Variants in MALRD1 observed in about 807,000 individuals in gnomAD.
MALRD1 encodes MAM and LDL receptor class A domain containing 1.
A neutral mutation model predicts 242.1 loss-of-function variants in MALRD1; 247 were observed. The observed-to-expected ratio is 1.02, with a 90% CI of 0.92 to 1.13. The LOEUF (loss-of-function observed/expected upper bound fraction) is 1.13, where lower values mean the gene tolerates loss of function less well. Ranked by LOEUF, MALRD1 falls within the 50% of genes most tolerant of loss-of-function variation. MALRD1 has a pLI of 0.00. For missense variants in MALRD1, 2,989 were observed against 2,533.1 expected (o/e 1.18, Z -3.86); for synonymous variants, 995 against 866.6 (o/e 1.15, Z -2.60).
At chr10:19,563,398 A>T (rs1225870157) in intron 32 of MALRD1, among the ~76,000 whole-genome samples, 1 of 152,168 alleles carries the variant, frequency 6.6e-6, no homozygotes, top group Non-Finnish European at 1.5e-5. Context: ...CCCATAGGCA[A>T]CTATGCACTT....
chr10:19,718,128 GGAA>G (rs1375911837), intron 38 of MALRD1, among the ~76,000 whole-genome samples: 3 of 139,926 alleles, frequency 2.1e-5, no homozygotes, highest in Admixed American at 7.3e-5. Context: ...AAGAAGAAGA[GGAA>G]GAAGAGGAAG....
chr10:19,344,777 G>T (rs1844036992), intron 24 of MALRD1, among the ~76,000 whole-genome samples: 1 of 151,670 alleles, frequency 6.6e-6, no homozygotes. Flanking sequence ...AGCATAGTAG[G>T]TTTCTCCCCA....
At chr10:19,324,136 T>G in intron 22 of MALRD1, 31 bp downstream of exon 22, 1 of 1,540,626 alleles carries the variant, frequency 6.5e-7, no homozygotes, top group Non-Finnish European at 8.8e-7. Flanking sequence ...TTTTCTGAAT[T>G]TTCTCTCTAA....
chr10:19,460,785 G>A (rs979453411), intron 29 of MALRD1, among the ~76,000 whole-genome samples: 6 of 152,054 alleles, frequency 3.9e-5, no homozygotes, highest in East Asian at 3.9e-4. Context: ...CAAATTACCC[G>A]AAGACCAGGA....
chr10:19,271,744 C>T (rs1342463257), intron 19 of MALRD1, among the ~76,000 whole-genome samples: 1 of 152,146 alleles, frequency 6.6e-6, no homozygotes, highest in Non-Finnish European at 1.5e-5. Flanking sequence ...TCCTGGGCAA[C>T]AGAGCGAGAT....
chr10:19,157,466 C>A (rs1174292789), intron 12 of MALRD1, among the ~76,000 whole-genome samples: 1 of 151,916 alleles, frequency 6.6e-6, no homozygotes, highest in Non-Finnish European at 1.5e-5. Flanking sequence ...CCAGGATGGT[C>A]TCGATCTCCT....
intron 36 of MALRD1, among the ~76,000 whole-genome samples, chr10:19,643,719 G>C (rs931238190): frequency 1.3e-5 from 2 of 152,106 alleles, no homozygotes; most frequent in African/African-American, 4.8e-5. Flanking sequence ...CAGAAACACT[G>C]CCTATTCTGT....
At chr10:19,386,563 A>T (rs1371629781) in intron 26 of MALRD1, among the ~76,000 whole-genome samples, 1 of 152,150 alleles carries the variant, frequency 6.6e-6, no homozygotes, top group Non-Finnish European at 1.5e-5. Flanking sequence ...TATAATAATT[A>T]TGCCTTCAAT....
intron 29 of MALRD1, among the ~76,000 whole-genome samples, chr10:19,484,042 T>C (rs1837134840): frequency 6.6e-6 from 1 of 152,152 alleles, no homozygotes; most frequent in African/African-American, 2.4e-5. Flanking sequence ...AAATACCACA[T>C]CTTCTCACTT....
rs574485140 is a variant in MALRD1, at chr10:19,702,882, C to T, written c.6314+10328C>T. Among the ~76,000 whole-genome samples the T allele has an allele frequency of 1.6e-4, 24 of 152,194 alleles. 1 individual carries two copies. The highest frequency in any genetic ancestry group is 2.1e-4 in the Non-Finnish European group (14 of 68,004). On this transcript the variant is annotated intron_variant, in intron 38 of 39. Coordinates refer to ENST00000454679, the MANE Select transcript of MALRD1 (RefSeq NM_001142308.3). ...TAAATTTTGTACAAAGAATCTGTGG[C>T]GTAAGAGGACTTCAATAACTTGAAG... is the stretch of plus-strand genomic sequence containing the variant.
At chr10:19,537,479 A>G (rs1194553004) in intron 32 of MALRD1, among the ~76,000 whole-genome samples, 1 of 152,136 alleles carries the variant, frequency 6.6e-6, no homozygotes, top group Non-Finnish European at 1.5e-5. Flanking sequence ...TGGAAAAGGC[A>G]GGAGAGCGCT....
rs1835724219 is a variant in MALRD1 at position 19,087,810 on chromosome 10, T to C, written c.341-30T>C. ...GGTCTTATTCATTCTTTCTGGTTTT[T>C]TTTTGTACCCTGTCTCTTCTTTCTG... On this transcript the variant is annotated intron_variant, in intron 2 of 39. Coordinates refer to ENST00000454679, the MANE Select transcript of MALRD1 (RefSeq NM_001142308.3). 9 of 1,169,034 alleles carry C rather than the reference T, an allele frequency of 7.7e-6. No homozygotes were observed. In the South Asian group the frequency reaches 2.6e-4, roughly 34 times the overall value. 72.4% of individuals were successfully genotyped at this position (1,169,034 alleles called of 1,614,324 possible).
chr10:19,457,126 T>C (rs185625877), intron 29 of MALRD1, among the ~76,000 whole-genome samples: 2 of 152,190 alleles, frequency 1.3e-5, no homozygotes, highest in East Asian at 3.9e-4. Flanking sequence ...CTCTGAAAAA[T>C]TGAAATAGCT....
intron 28 of MALRD1, among the ~76,000 whole-genome samples, chr10:19,406,706 AAAATAAAT>A (rs914201195): frequency 2.4e-4 from 36 of 152,256 alleles, no homozygotes; most frequent in Non-Finnish European, 3.2e-4. Context: ...GTATTCTTTA[AAAATAAAT>A]AAATAAATAA....
chr10:19,292,058 G>A (rs1007697505), intron 21 of MALRD1, among the ~76,000 whole-genome samples: 7 of 137,500 alleles, frequency 5.1e-5, no homozygotes, highest in Non-Finnish European at 7.6e-5. Flanking sequence ...ACTCCAGCCT[G>A]GATGACAGAG....
chr10:19,549,628 A>G (rs983181741), intron 32 of MALRD1, among the ~76,000 whole-genome samples: 2 of 152,216 alleles, frequency 1.3e-5, no homozygotes, highest in African/African-American at 2.4e-5. Context: ...TTAACCGACT[A>G]CAGTATAGTG....
At chr10:19,539,547 A>G (rs1336847471) in intron 32 of MALRD1, among the ~76,000 whole-genome samples, 2 of 152,292 alleles carry the variant, frequency 1.3e-5, no homozygotes, top group African/African-American at 4.8e-5. Flanking sequence ...AAATGGCATC[A>G]TGGTTACTTA....
At chr10:19,576,597 T>G (rs1263057056) in intron 33 of MALRD1, among the ~76,000 whole-genome samples, 1 of 152,188 alleles carries the variant, frequency 6.6e-6, no homozygotes, top group Non-Finnish European at 1.5e-5. Flanking sequence ...TTCTTATTCT[T>G]TAGTACACCT....
At chr10:19,584,981 G>T (rs1464243792) in intron 33 of MALRD1, among the ~76,000 whole-genome samples, 3 of 152,034 alleles carry the variant, frequency 2.0e-5, no homozygotes, top group Non-Finnish European at 2.9e-5. Context: ...ATTATGTAAT[G>T]GCCTTCCTTG....
Sources: allele counts gnomAD v4.1 joint callset (sites outside exome capture counted in the v4.1 genomes callset), GRCh38; gene constraint gnomAD v4.1.1; transcripts MANE v1.5; gene names NCBI Gene and HGNC (gene_info 2026-07-23, HGNC 2026-07-21).